Variants in FARS2 observed in about 807,000 individuals in gnomAD.
The protein encoded by FARS2 is phenylalanine--tRNA ligase, mitochondrial.
FARS2 carries 40 observed loss-of-function variants against 46.4 expected under a neutral mutation model. The observed-to-expected ratio is 0.86, with a 90% confidence interval of 0.67 to 1.12. The LOEUF (loss-of-function observed/expected upper bound fraction) is 1.12. FARS2 is among the 50% of genes most tolerant of loss of function. FARS2 has a pLI of 0.00. For missense variants in FARS2, 513 were observed against 567.9 expected (o/e 0.90, Z 0.98); for synonymous variants, 234 against 214.9 (o/e 1.09, Z -0.78).
intron 3 of FARS2, among the ~76,000 whole-genome samples, chr6:5,421,834 C>T (rs573396428): frequency 7.2e-5 from 11 of 152,338 alleles, no homozygotes; most frequent in African/African-American, 2.6e-4. Context: ...AGCCATTCAA[C>T]AAGTCTCTAG....
chr6:5,351,857 A>C (rs1162838593), intron 1 of FARS2, among the ~76,000 whole-genome samples: 1 of 152,240 alleles, frequency 6.6e-6, no homozygotes, highest in Non-Finnish European at 1.5e-5. Context: ...AGTGTTGGAC[A>C]GTCAAGTTGT....
At chr6:5,423,093 T>C (rs1174540271) in intron 3 of FARS2, among the ~76,000 whole-genome samples, 1 of 109,140 alleles carries the variant, frequency 9.2e-6, no homozygotes, top group African/African-American at 2.6e-5. Flanking sequence ...CCCGACCAGC[T>C]TTGTGGAGGC....
intron 4 of FARS2, among the ~76,000 whole-genome samples, chr6:5,449,405 T>G (rs1270278698): frequency 6.6e-6 from 1 of 151,506 alleles, no homozygotes; most frequent in Non-Finnish European, 1.5e-5. Context: ...CTTAAGATTT[T>G]TTATATATGT....
At chr6:5,434,833 C>T (rs1392629518) in intron 4 of FARS2, among the ~76,000 whole-genome samples, 1 of 152,086 alleles carries the variant, frequency 6.6e-6, no homozygotes, top group African/African-American at 2.4e-5. Flanking sequence ...AAGAGAACTT[C>T]CAAGAAACAA....
chr6:5,251,959 A>G, the FARS2 span, among the ~76,000 whole-genome samples: 6 of 152,228 alleles, frequency 3.9e-5, no homozygotes, highest in Non-Finnish European at 7.3e-5. Context: ...ATGGCTCAAA[A>G]AGAAAACAGA....
At chr6:5,582,177 A>G (rs1773373849) in intron 5 of FARS2, among the ~76,000 whole-genome samples, 1 of 96,680 alleles carries the variant, frequency 1.0e-5, no homozygotes, top group Non-Finnish European at 2.3e-5. Context: ...ACAGTAAGAT[A>G]CTTCCGGTTA....
intron 1 of FARS2, among the ~76,000 whole-genome samples, chr6:5,278,300 G>A (rs555199935): frequency 1.7e-3 from 255 of 152,268 alleles, no homozygotes; most frequent in African/African-American, 5.8e-3. Flanking sequence ...TCATTAGTGC[G>A]CTTTGGTTTT....
chr6:5,689,147 A>C (rs1365673759), intron 6 of FARS2, among the ~76,000 whole-genome samples: 1 of 152,172 alleles, frequency 6.6e-6, no homozygotes, highest in African/African-American at 2.4e-5. Context: ...CTTTTCAAAA[A>C]ACCAGCTCCT....
chr6:5,272,251 GA>G (rs1766013458), intron 1 of FARS2, among the ~76,000 whole-genome samples: 1 of 152,206 alleles, frequency 6.6e-6, no homozygotes, highest in African/African-American at 2.4e-5. Context: ...TACTTTGAGA[GA>G]GAGAAGAGAC....
chr6:5,259,635 A>C (rs13213175), upstream of FARS2, among the ~76,000 whole-genome samples: 1,354 of 152,270 alleles, frequency 8.9e-3, 26 homozygotes, highest in African/African-American at 0.029. Context: ...AGGGGGGCCT[A>C]CCTAACCAGG....
intron 6 of FARS2, among the ~76,000 whole-genome samples, chr6:5,738,663 A>G (rs141846922): frequency 1.1e-3 from 162 of 152,304 alleles, no homozygotes; most frequent in African/African-American, 3.8e-3. Context: ...TGTTTTTATT[A>G]AAGGAAACAC....
intron 4 of FARS2, among the ~76,000 whole-genome samples, chr6:5,512,673 A>G (rs1219063999): frequency 6.6e-6 from 1 of 152,116 alleles, no homozygotes; most frequent in Non-Finnish European, 1.5e-5. Context: ...AAAGACATTG[A>G]TAATTTGGTG....
intron 6 of FARS2, among the ~76,000 whole-genome samples, chr6:5,653,815 T>C (rs1157174745): frequency 6.6e-6 from 1 of 152,126 alleles, no homozygotes; most frequent in African/African-American, 2.4e-5. Context: ...CTTCATGGAG[T>C]GCAGGGAAGA....
chr6:5,398,320 A>G (rs1761028946), intron 2 of FARS2, among the ~76,000 whole-genome samples: 3 of 152,178 alleles, frequency 2.0e-5, no homozygotes, highest in South Asian at 4.1e-4. Flanking sequence ...TCTCTCCCAT[A>G]TATTTATTTA....
At position 5,479,206 on chromosome 6, in the gene FARS2, C is replaced by CT. The variant is rs201001611; in HGVS notation, c.904+48040dup. On this transcript the variant is annotated intron_variant, in intron 4 of 6. Coordinates refer to ENST00000274680, the MANE Select transcript of FARS2 (RefSeq NM_006567.5). Reference sequence around the variant, plus strand: ...TGTACGGTCTTTTCACTTGTCATCCCTTTTTTAGGGAAACCCTCCTTGGGG... The same window carrying CT: ...TGTACGGTCTTTTCACTTGTCATCCCTTTTTTTAGGGAAACCCTCCTTGGGG... Among the ~76,000 whole-genome samples the CT allele has an allele frequency of 9.9e-3, 1,513 of 152,252 alleles. 32 individuals are homozygous for CT. Among genetic ancestry groups the CT allele is most frequent in the African/African-American group, 0.033 (1,383 of 41,544 alleles).
chr6:5,494,894 A>G (rs1243009817), intron 4 of FARS2, among the ~76,000 whole-genome samples: 2 of 152,020 alleles, frequency 1.3e-5, no homozygotes. Flanking sequence ...ATCGAAAATA[A>G]CTCTATTACA....
intron 1 of FARS2, among the ~76,000 whole-genome samples, chr6:5,320,208 C>G (rs896426153): frequency 3.3e-5 from 5 of 152,162 alleles, no homozygotes; most frequent in African/African-American, 1.2e-4. Context: ...TTGGGAAACA[C>G]CTTTGCAGTG....
chr6:5,760,222 A>T (rs564387454), intron 6 of FARS2, among the ~76,000 whole-genome samples: 3 of 152,348 alleles, frequency 2.0e-5, no homozygotes, highest in African/African-American at 7.2e-5. Flanking sequence ...AAGAAATAAA[A>T]GTTTTACAAC....
intron 1 of FARS2, among the ~76,000 whole-genome samples, chr6:5,292,995 A>G (rs1431869317): frequency 1.3e-5 from 2 of 152,234 alleles, no homozygotes; most frequent in African/African-American, 4.8e-5. Flanking sequence ...TGTGCAACCA[A>G]TGGCGGCCAA....
Sources: gnomAD v4.1 joint callset for allele counts (sites outside exome capture counted in the v4.1 genomes callset) on GRCh38, gnomAD v4.1.1 for gene constraint, MANE v1.5 for transcripts, NCBI Gene and HGNC (gene_info 2026-07-23, HGNC 2026-07-21) for gene names.